The following GDF1 variants were observed in gnomAD, a reference collection of about 807,000 sequenced individuals.
GDF1 encodes the protein growth differentiation factor 1.
A neutral mutation model predicts 7.4 loss-of-function variants in GDF1; 8 were observed. The observed-to-expected ratio is 1.09, with a 90% CI of 0.64 to 1.96. The LOEUF is 1.96. GDF1 is among the 30% of genes most tolerant of loss of function. The pLI is 0.00. For synonymous variants in GDF1, 311 were observed against 276.7 expected (o/e 1.12, Z -1.23); for missense variants, 574 against 551.5 (o/e 1.04, Z -0.41).
At chr19:18,874,385 C>A (rs895632218) in intron 6 of GDF1, among the ~76,000 whole-genome samples, 2 of 152,180 alleles carry the variant, frequency 1.3e-5, no homozygotes, top group Non-Finnish European at 2.9e-5. Context: ...CTCACTGCAG[C>A]CTTGACCTCC....
chr19:18,885,481 G>A (rs2056325486), intron 2 of GDF1, among the ~76,000 whole-genome samples: 1 of 147,778 alleles, frequency 6.8e-6, no homozygotes, highest in Admixed American at 6.8e-5. Flanking sequence ...ACAGGGATGA[G>A]CCACCTCACC....
intron 2 of GDF1, among the ~76,000 whole-genome samples, chr19:18,885,634 C>T (rs966672409): frequency 6.6e-6 from 1 of 151,332 alleles, no homozygotes; most frequent in Non-Finnish European, 1.5e-5. Flanking sequence ...ATTCTCCTGC[C>T]TCAGCATGCC....
At chr19:18,869,886 C>T (rs1249070047) in intron 7 of GDF1, 97 bp downstream of exon 7, 8 of 1,225,646 alleles carry the variant, frequency 6.5e-6, no homozygotes, top group Non-Finnish European at 9.3e-6. Flanking sequence ...CGGGTGGGGA[C>T]CCTCGGAGCT....
chr19:18,879,028 C>T lies in GDF1; in HGVS notation c.-411G>A, dbSNP rs369177504. 6.1e-5 allele frequency: 99 copies of T among 1,613,512 alleles called. No homozygotes were observed. The East Asian group carries it at 9.1e-4, about 15-fold the overall frequency. On this transcript the variant is annotated 5_prime_UTR_variant, in exon 6 of 8. Transcript: ENST00000247005. ...GGCCTGTCAACACCTTGGCTGCAAACGCCACGATGTACTGCGAGAGGGGAG... is the reference window on the plus strand; with the variant it reads ...GGCCTGTCAACACCTTGGCTGCAAATGCCACGATGTACTGCGAGAGGGGAG...
chr19:18,870,170 G>C lies in GDF1; in HGVS notation c.138C>G (p.Arg46=). 2 of 1,561,908 alleles carry C rather than the reference G, an allele frequency of 1.3e-6. No homozygotes were observed. Among genetic ancestry groups the C allele is most frequent in the South Asian group, 2.3e-5 (2 of 85,520 alleles). ...AAALLQALGL[R]DEPQGAPRLR... The stretch of plus-strand genomic sequence containing the variant: ...GCCTGGGGGCACCCTGGGGCTCATC[G>C]CGCAGTCCTAGAGCCTGGAGCAGGG... Residue 46 remains arginine, a synonymous_variant, in exon 7 of 8, where the codon CGC becomes CGG. Transcript: ENST00000247005. This position sits in a 1 kb window ranked among gnomAD's most constrained non-coding sequence, Gnocchi z 5.1.
At position 18,886,782 on chromosome 19, in the gene GDF1, C is replaced by T. The variant is rs144402417; in HGVS notation, c.-913-2515G>A. 1.2e-3 allele frequency among the ~76,000 whole-genome samples: 190 copies of T among 152,282 alleles called. 5 individuals carry two copies. In the East Asian group the frequency reaches 0.035, roughly 28 times the overall value. On this transcript the variant is annotated intron_variant, in intron 2 of 7. Coordinates refer to ENST00000247005, the MANE Select transcript of GDF1 (RefSeq NM_001492.6). ...CCAGATGCCCCATGAACCGCCTCTG[C>T]GACAACTTTCATCTCGGCCTGGCCC...
At chr19:18,885,279 C>T (rs1390541315) in intron 2 of GDF1, among the ~76,000 whole-genome samples, 2 of 152,106 alleles carry the variant, frequency 1.3e-5, no homozygotes, top group Non-Finnish European at 2.9e-5. Context: ...TAGTTCACTG[C>T]AGCCTCGACC....
chr19:18,882,756 G>C (rs1242258066), intron 3 of GDF1, among the ~76,000 whole-genome samples: 2 of 151,986 alleles, frequency 1.3e-5, no homozygotes, highest in African/African-American at 4.8e-5. Context: ...GCAGTGGCAT[G>C]ATCTCGGCTC....
chr19:18,892,552 C>G (rs2056517192), intron 2 of GDF1, among the ~76,000 whole-genome samples: 1 of 151,902 alleles, frequency 6.6e-6, no homozygotes, highest in Non-Finnish European at 1.5e-5. Flanking sequence ...AGGCGGAGCT[C>G]ACAGTGAGCC....
Position 18,896,057 on chromosome 19 carries a change from G to T in GDF1, c.-1307C>A, listed in dbSNP as rs1041161328. The T allele has an allele frequency of 1.5e-4, 143 of 982,440 alleles. No individual in the cohort carries two copies. The African/African-American group carries it at 2.5e-3, about 17-fold the overall frequency. The allele number at this position is 982,440 out of a possible 1,614,324, so 60.9% of individuals were successfully genotyped here. ...TCGGGCCCCGTCGGCCCCGCCGCGGGCCCCGCCGCCGCCATACCGCCCGCT... is the reference window on the plus strand; with the variant it reads ...TCGGGCCCCGTCGGCCCCGCCGCGGTCCCCGCCGCCGCCATACCGCCCGCT... On this transcript the variant is annotated 5_prime_UTR_variant, in exon 1 of 8. Coordinates refer to ENST00000247005, the MANE Select transcript of GDF1 (RefSeq NM_001492.6). The surrounding 1 kb of genome is among the most constrained non-coding windows in gnomAD (Gnocchi z 5.9).
In GDF1 at chr19:18,878,892, A is replaced by G. The variant is rs1354197090; in HGVS notation, c.-313+38T>C. 2 of 1,607,738 alleles carry G rather than the reference A, an allele frequency of 1.2e-6. No individual in the cohort carries two copies. On this transcript the variant is annotated intron_variant, in intron 6 of 7. Transcript: ENST00000247005. The surrounding 1 kb of genome is among the most constrained non-coding windows in gnomAD (Gnocchi z 4.6). The stretch of plus-strand genomic sequence containing the variant: ...GAACACGCTTGGACGGGTGACACTA[A>G]AGGAGGGAACGCGGGGTGCGGGCCC...
chr19:18,874,684 C>T (rs576789910), intron 6 of GDF1, among the ~76,000 whole-genome samples: 36 of 152,246 alleles, frequency 2.4e-4, no homozygotes, highest in African/African-American at 7.9e-4. Flanking sequence ...AAGCTACGGG[C>T]GTCAGTGTAG....
At position 18,877,164 on chromosome 19, in the gene GDF1, C is replaced by T. The variant is rs867685397; in HGVS notation, c.-313+1766G>A. ...TCATCACAGGGTGTTCCCTGATACT[C>T]TCTGGCACTTCTGTACAGGGTGCAT... On this transcript the variant is annotated intron_variant, in intron 6 of 7. Coordinates refer to ENST00000247005, the MANE Select transcript of GDF1 (RefSeq NM_001492.6). Among the ~76,000 whole-genome samples the T allele has an allele frequency of 3.9e-5, 6 of 152,350 alleles. No homozygotes were observed. The South Asian group carries it at 1.2e-3, about 32-fold the overall frequency.
At position 18,869,403 on chromosome 19, in the gene GDF1, G is replaced by GT; in HGVS notation, c.326-14_326-13insA. The GT allele has an allele frequency of 6.5e-7, 1 of 1,528,408 alleles. No individual in the cohort carries two copies. The highest frequency in any genetic ancestry group is 8.7e-7 in the Non-Finnish European group (1 of 1,144,160). The allele number at this position is 1,528,408 out of a possible 1,614,324, so 94.7% of individuals were successfully genotyped here. On this transcript the variant is annotated splice_polypyrimidine_tract_variant and intron_variant, in intron 7 of 7. Coordinates refer to ENST00000247005, the MANE Select transcript of GDF1 (RefSeq NM_001492.6). Reference sequence around the variant, plus strand: ...CGGGTGGGCGCACCTGGGGAGGTAGGAACAGGAACTCGGCTCGCGCTGCGT... The same window carrying GT: ...CGGGTGGGCGCACCTGGGGAGGTAGGTAACAGGAACTCGGCTCGCGCTGCGT...
intron 6 of GDF1, among the ~76,000 whole-genome samples, chr19:18,874,075 G>C (rs775572613): frequency 7.9e-5 from 12 of 152,266 alleles, no homozygotes; most frequent in South Asian, 6.2e-4. Context: ...GGGTTGAAAT[G>C]TCCTTGAATA....
intron 2 of GDF1, among the ~76,000 whole-genome samples, chr19:18,886,421 C>T (rs887775318): frequency 2.6e-5 from 4 of 151,904 alleles, no homozygotes; most frequent in East Asian, 3.9e-4. Context: ...TGGTGGTGGG[C>T]GCCTGTGGTC....
chr19:18,895,857 G>T lies in GDF1; in HGVS notation c.-1107C>A. On this transcript the variant is annotated 5_prime_UTR_variant, in exon 1 of 8. Transcript: ENST00000247005. This position sits in a 1 kb window ranked among gnomAD's most constrained non-coding sequence, Gnocchi z 6.4. ...GGCGCGCAGTGGCCGCGGAGCGCAG[G>T]GCGGTCCAGCCCAGCGCGCCGAGCG... The T allele has an allele frequency of 7.7e-7, 1 of 1,296,478 alleles. No individual in the cohort carries two copies. Among genetic ancestry groups the T allele is most frequent in the Non-Finnish European group, 9.8e-7 (1 of 1,022,132 alleles). 80.3% of individuals were successfully genotyped at this position (1,296,478 alleles called of 1,614,324 possible). A position where few individuals can be genotyped will look rare whatever the true frequency, so the allele number is the denominator to read the frequency against.
chr19:18,879,088 C>T, intron 5 of GDF1, 49 bp from the exon 6 acceptor site: 1 of 1,601,116 alleles, frequency 6.2e-7, no homozygotes. Flanking sequence ...CCCCACGCCA[C>T]TGCCCTGCTG....
intron 3 of GDF1, among the ~76,000 whole-genome samples, chr19:18,881,528 A>G (rs2056209048): frequency 6.6e-6 from 1 of 151,732 alleles, no homozygotes; most frequent in South Asian, 2.1e-4. Context: ...CCCCATTAGG[A>G]TCTTAATAAG....
Sources: gnomAD v4.1 joint callset for allele counts (sites outside exome capture counted in the v4.1 genomes callset) on GRCh38, gnomAD v4.1.1 for gene constraint, Gnocchi (gnomAD v3.1) non-coding constraint, MANE v1.5 for transcripts, NCBI Gene and HGNC (gene_info 2026-07-23, HGNC 2026-07-21) for gene names.